The following AK7 variants were observed in gnomAD, a reference collection of about 807,000 sequenced individuals.
AK7 encodes ATP-AMP transphosphorylase 7.
In AK7, 78 loss-of-function variants were observed where a neutral mutation model predicts 96.6. The observed-to-expected ratio is 0.81, with a 90% CI of 0.67 to 0.97. AK7 has a LOEUF of 0.97. AK7 is among the 50% of genes least tolerant of loss of function. The pLI is 0.00. For missense variants in AK7, 855 were observed against 887.9 expected (o/e 0.96, Z 0.47); for synonymous variants, 302 against 317.2 (o/e 0.95, Z 0.51).
intron 10 of AK7, among the ~76,000 whole-genome samples, chr14:96,454,235 T>C (rs1175273594): frequency 6.6e-6 from 1 of 152,186 alleles, no homozygotes; most frequent in Non-Finnish European, 1.5e-5. Context: ...ACTCTACCAA[T>C]GCAAATCCTT....
chr14:96,458,501 G>A (rs959829099), intron 12 of AK7, among the ~76,000 whole-genome samples: 2 of 152,060 alleles, frequency 1.3e-5, no homozygotes, highest in African/African-American at 4.8e-5. Context: ...CAGCACTTTG[G>A]GAGGCCGAGG....
At chr14:96,442,253 A>G (rs1223611581) in intron 6 of AK7, among the ~76,000 whole-genome samples, 1 of 152,162 alleles carries the variant, frequency 6.6e-6, no homozygotes, top group Non-Finnish European at 1.5e-5. Context: ...TAAGCATTTC[A>G]CCCCTGGACT....
chr14:96,424,793 T>A (rs1407177960), intron 5 of AK7, among the ~76,000 whole-genome samples: 1 of 152,220 alleles, frequency 6.6e-6, no homozygotes, highest in African/African-American at 2.4e-5. Context: ...ATTAGATGGT[T>A]TAAATTTATT....
chr14:96,398,752 C>A (rs1352985573), intron 2 of AK7: 2 of 171,376 alleles, frequency 1.2e-5, no homozygotes, highest in South Asian at 2.7e-4. Context: ...GAGAAACATC[C>A]TTTGGTAATG....
In AK7 at chr14:96,399,674, T is replaced by C. The variant is rs996818549; in HGVS notation, c.294+1411T>C. Among the ~76,000 whole-genome samples the C allele has an allele frequency of 2.6e-5, 4 of 152,236 alleles. No individual in the cohort carries two copies. The highest frequency in any genetic ancestry group is 2.9e-5 in the Non-Finnish European group (2 of 68,042). Reference sequence around the variant, plus strand: ...TGACTCCCGAGGGGCTTAGCTCACCTGGCTTCACAGCAGCAGCCTGGCTTC... The same window carrying C: ...TGACTCCCGAGGGGCTTAGCTCACCCGGCTTCACAGCAGCAGCCTGGCTTC... On this transcript the variant is annotated intron_variant, in intron 2 of 17. Transcript: ENST00000267584. The surrounding 1 kb of genome is among the most constrained non-coding windows in gnomAD (Gnocchi z 4.1).
chr14:96,411,384 G>A (rs143635695), intron 4 of AK7, among the ~76,000 whole-genome samples: 62 of 150,778 alleles, frequency 4.1e-4, no homozygotes, highest in African/African-American at 1.1e-3. Context: ...GGTGGTACGC[G>A]CCTGTAGTCC....
chr14:96,444,050 C>T (rs1204270708), intron 7 of AK7, among the ~76,000 whole-genome samples: 1 of 152,162 alleles, frequency 6.6e-6, no homozygotes, highest in Non-Finnish European at 1.5e-5. Flanking sequence ...GCTGGGATTA[C>T]AGGCGTGAGC....
intron 10 of AK7, among the ~76,000 whole-genome samples, chr14:96,455,911 A>T (rs1255611591): frequency 6.6e-6 from 1 of 152,026 alleles, no homozygotes; most frequent in Non-Finnish European, 1.5e-5. Flanking sequence ...GAAGAGTGAG[A>T]GTTAGCCTGC....
At chr14:96,424,084 T>A in intron 5 of AK7, 1 of 700,002 alleles carries the variant, frequency 1.4e-6, no homozygotes, top group Non-Finnish European at 2.7e-6. Context: ...GTTCTTCACC[T>A]GGGTGGGATC....
intron 14 of AK7, among the ~76,000 whole-genome samples, chr14:96,473,061 G>A (rs1334992991): frequency 2.6e-5 from 4 of 152,028 alleles, no homozygotes; most frequent in East Asian, 1.9e-4. Flanking sequence ...CAGCCTGGGC[G>A]ACAGAGACTC....
intron 12 of AK7, among the ~76,000 whole-genome samples, chr14:96,465,552 C>T (rs1035707868): frequency 5.3e-5 from 8 of 151,724 alleles, no homozygotes; most frequent in Non-Finnish European, 7.4e-5. Flanking sequence ...AAAGGAAAAC[C>T]GTGTTTCTTT....
chr14:96,467,218 T>G (rs775513949), intron 12 of AK7, among the ~76,000 whole-genome samples: 3 of 152,222 alleles, frequency 2.0e-5, no homozygotes, highest in Non-Finnish European at 2.9e-5. Flanking sequence ...CAATACACAG[T>G]TCTTTTAACA....
intron 4 of AK7, among the ~76,000 whole-genome samples, chr14:96,412,352 C>A (rs763206224): frequency 6.6e-6 from 1 of 151,320 alleles, no homozygotes; most frequent in Non-Finnish European, 1.5e-5. Context: ...CTCAGCCTCC[C>A]GAGTAGCTGG....
intron 5 of AK7, chr14:96,424,082 C>G: frequency 1.4e-6 from 1 of 702,934 alleles, no homozygotes. Context: ...CTGTTCTTCA[C>G]CTGGGTGGGA....
chr14:96,423,242 T>C (rs916123695), intron 5 of AK7, among the ~76,000 whole-genome samples: 1 of 152,234 alleles, frequency 6.6e-6, no homozygotes, highest in African/African-American at 2.4e-5. Context: ...AGCCTCTGGT[T>C]GTCTAGCGAT....
At chr14:96,470,310 A>G (rs530901726) in intron 12 of AK7, among the ~76,000 whole-genome samples, 1 of 152,164 alleles carries the variant, frequency 6.6e-6, no homozygotes, top group African/African-American at 2.4e-5. Context: ...AAAGAATAAT[A>G]GATTCACTGA....
intron 12 of AK7, among the ~76,000 whole-genome samples, chr14:96,464,715 T>C (rs1894463039): frequency 6.6e-6 from 1 of 152,172 alleles, no homozygotes; most frequent in Admixed American, 6.5e-5. Context: ...TGTACTATTA[T>C]CTTTAAAGCA....
At chr14:96,448,630 T>TAAAAAAA (rs71103528) in intron 8 of AK7, among the ~76,000 whole-genome samples, 1 of 74,896 alleles carries the variant, frequency 1.3e-5, no homozygotes. Flanking sequence ...ACCCTATCTC[T>TAAAAAAA]AAAAAAAAAA....
At chr14:96,479,271 G>A (rs1288949340) in intron 15 of AK7, among the ~76,000 whole-genome samples, 1 of 151,860 alleles carries the variant, frequency 6.6e-6, no homozygotes, top group African/African-American at 2.4e-5. Flanking sequence ...TAGAGACGGG[G>A]TTTCACTGTG....
Sources: gnomAD v4.1 joint callset for allele counts (sites outside exome capture counted in the v4.1 genomes callset) on GRCh38, gnomAD v4.1.1 for gene constraint, Gnocchi (gnomAD v3.1) non-coding constraint, MANE v1.5 for transcripts, NCBI Gene and HGNC (gene_info 2026-07-23, HGNC 2026-07-21) for gene names.